Variants in METTL16 observed in about 807,000 individuals in gnomAD.
METTL16 encodes the protein RNA N(6)-adenosine-methyltransferase METTL16.
METTL16 carries 19 observed loss-of-function variants against 57.9 expected under a neutral mutation model. The ratio of observed to expected loss-of-function variants is 0.33; its 90% confidence interval spans 0.23 to 0.48. METTL16 has a LOEUF of 0.48. METTL16 is among the 20% of genes least tolerant of loss of function. The pLI is 0.99. For synonymous variants in METTL16, 246 were observed against 255.6 expected, an observed-to-expected ratio of 0.96 and a Z score of 0.36; for missense variants, 434 against 691.5, an observed-to-expected ratio of 0.63 and a Z score of 4.18.
At chr17:2,460,628 G>A (rs1368867905) in intron 6 of METTL16, among the ~76,000 whole-genome samples, 1 of 152,210 alleles carries the variant, frequency 6.6e-6, no homozygotes, top group Non-Finnish European at 1.5e-5. Context: ...GCTCACGCCT[G>A]TAATCCCAGC....
At chr17:2,421,849 C>T (rs1342748867) in intron 8 of METTL16, among the ~76,000 whole-genome samples, 5 of 152,108 alleles carry the variant, frequency 3.3e-5, no homozygotes, top group African/African-American at 7.2e-5. Context: ...AAGCCGGCGG[C>T]GAGCTAAGCA....
intron 8 of METTL16, among the ~76,000 whole-genome samples, chr17:2,435,710 G>T (rs1441911771): frequency 1.3e-5 from 2 of 150,664 alleles, no homozygotes. Flanking sequence ...GGGAGTCTGG[G>T]GCCCTCAGCA....
chr17:2,491,303 G>A (rs1023078500), intron 2 of METTL16, among the ~76,000 whole-genome samples: 2 of 152,164 alleles, frequency 1.3e-5, no homozygotes, highest in Admixed American at 1.3e-4. Flanking sequence ...ACAGGCTCAT[G>A]GCCGATTTCC....
At chr17:2,438,035 T>C in intron 8 of METTL16, 74 bp downstream of exon 8, 1 of 1,072,330 alleles carries the variant, frequency 9.3e-7, no homozygotes, top group Non-Finnish European at 1.5e-6. Context: ...ACACTACCAA[T>C]TCAGTTCACT....
At chr17:2,438,325 AAC>A in intron 7 of METTL16, 127 bp from the exon 8 acceptor site, 1 of 688,180 alleles carries the variant, frequency 1.5e-6, no homozygotes, top group Non-Finnish European at 2.7e-6. Context: ...ATTACCAAAC[AAC>A]AGTTATAGAT....
At chr17:2,462,166 A>C (rs2067154126) in intron 6 of METTL16, among the ~76,000 whole-genome samples, 2 of 152,230 alleles carry the variant, frequency 1.3e-5, no homozygotes, top group Admixed American at 1.3e-4. Flanking sequence ...AAAATTCTGA[A>C]ATATGCTGCA....
intron 2 of METTL16, among the ~76,000 whole-genome samples, chr17:2,496,815 G>A (rs1355490864): frequency 2.6e-5 from 4 of 151,496 alleles, no homozygotes; most frequent in Non-Finnish European, 5.9e-5. Flanking sequence ...TTAAAAAAAA[G>A]CTTGCAGAAG....
chr17:2,419,376 TC>T lies in METTL16; in HGVS notation c.*593del. On this transcript the variant is annotated 3_prime_UTR_variant, in exon 10 of 10. Transcript: ENST00000263092. ...TAAGCAACATCAAAACAGCCAGGTG[TC>T]AGGAATGTGCCATTTACCGGGTGGT... 3.6e-6 allele frequency: 1 copy of T among 277,088 alleles called. No individual in the cohort carries two copies. The allele number at this position is 277,088 out of a possible 1,614,324, so 17.2% of individuals were successfully genotyped here.
intron 6 of METTL16, among the ~76,000 whole-genome samples, chr17:2,447,346 A>G (rs373046203): frequency 3.8e-5 from 5 of 130,092 alleles, no homozygotes; most frequent in Admixed American, 7.2e-5. Flanking sequence ...CTGCCTGGCA[A>G]CCGCCCCGTC....
intron 6 of METTL16, among the ~76,000 whole-genome samples, chr17:2,456,039 C>T (rs919308488): frequency 4.6e-5 from 7 of 152,014 alleles, no homozygotes; most frequent in Non-Finnish European, 2.9e-5. Flanking sequence ...CCTTATCTTT[C>T]AGGCTGCTTA....
intron 5 of METTL16, among the ~76,000 whole-genome samples, chr17:2,466,405 A>T (rs933617336): frequency 6.6e-6 from 1 of 152,190 alleles, no homozygotes; most frequent in African/African-American, 2.4e-5. Context: ...AAGAACAAAA[A>T]CAACCATAGA....
chr17:2,438,646 C>T (rs190274056), intron 7 of METTL16, among the ~76,000 whole-genome samples: 49 of 152,194 alleles, frequency 3.2e-4, no homozygotes, highest in Admixed American at 7.9e-4. Context: ...GGATTACAGG[C>T]GCATGCCACC....
At chr17:2,503,021 T>C (rs1282359176) in intron 1 of METTL16, among the ~76,000 whole-genome samples, 1 of 152,248 alleles carries the variant, frequency 6.6e-6, no homozygotes, top group African/African-American at 2.4e-5. Flanking sequence ...GCACAGCTGC[T>C]GTCGAAAAAC....
intron 1 of METTL16, among the ~76,000 whole-genome samples, chr17:2,506,621 A>C (rs1446673815): frequency 1.3e-5 from 2 of 151,740 alleles, no homozygotes; most frequent in African/African-American, 4.8e-5. Flanking sequence ...GCAGTGGCGT[A>C]ATCGCGGCTC....
At chr17:2,506,946 G>A (rs1382244980) in intron 1 of METTL16, among the ~76,000 whole-genome samples, 1 of 150,718 alleles carries the variant, frequency 6.6e-6, no homozygotes, top group Non-Finnish European at 1.5e-5. Context: ...CCCCGTCTGA[G>A]AAGTGAGGAG....
chr17:2,491,578 TA>T (rs1286705697), intron 2 of METTL16, among the ~76,000 whole-genome samples: 1 of 152,096 alleles, frequency 6.6e-6, no homozygotes, highest in Non-Finnish European at 1.5e-5. Flanking sequence ...GTCTTTGGTT[TA>T]AAAACAAATC....
At chr17:2,458,936 A>G (rs1470494685) in intron 6 of METTL16, among the ~76,000 whole-genome samples, 1 of 151,814 alleles carries the variant, frequency 6.6e-6, no homozygotes, top group African/African-American at 2.4e-5. Context: ...CCTCCCGAGT[A>G]GCTGGGACTA....
At position 2,505,830 on chromosome 17, in the gene METTL16, G is replaced by A. The variant is rs537559861; in HGVS notation, c.1-3499C>T. On this transcript the variant is annotated intron_variant, in intron 1 of 9. Coordinates refer to ENST00000263092, the MANE Select transcript of METTL16 (RefSeq NM_024086.4). ...CCACCTGCTCAAAACCTTACTCTTAGGATAAAATAAAAAAACATCACTTCA... is the reference window on the plus strand; with the variant it reads ...CCACCTGCTCAAAACCTTACTCTTAAGATAAAATAAAAAAACATCACTTCA... Among the ~76,000 whole-genome samples, 7 of 152,042 alleles carry A rather than the reference G, an allele frequency of 4.6e-5. No individual in the cohort carries two copies. In the East Asian group the frequency reaches 1.4e-3, roughly 29 times the overall value.
intron 6 of METTL16, among the ~76,000 whole-genome samples, chr17:2,443,105 C>T (rs116899173): frequency 0.048 from 7,286 of 152,222 alleles, 258 homozygotes; most frequent in East Asian, 0.079. Flanking sequence ...TTTCCCGCCT[C>T]AGCCTCCTGA....
Sources: gnomAD v4.1 joint callset for allele counts (sites outside exome capture counted in the v4.1 genomes callset) on GRCh38, gnomAD v4.1.1 for gene constraint, MANE v1.5 for transcripts, NCBI Gene and HGNC (gene_info 2026-07-23, HGNC 2026-07-21) for gene names.